SEC31B: variants seen among roughly 807,000 people sequenced by gnomAD.
The protein encoded by SEC31B is SEC31 homolog B, COPII component.
Under a neutral mutation model 135.0 loss-of-function variants are expected in SEC31B, and 113 were observed. The ratio of observed to expected loss-of-function variants is 0.84; its 90% confidence interval spans 0.72 to 0.98. SEC31B has a LOEUF of 0.98. SEC31B is among the 50% of genes least tolerant of loss of function. SEC31B has a pLI of 0.00. For synonymous variants in SEC31B, 508 were observed against 549.4 expected (o/e 0.92, Z 1.05); for missense variants, 1,296 against 1,421.1 (o/e 0.91, Z 1.42).
chr10:100,489,776 G>T lies in SEC31B; in HGVS notation c.2966-15C>A. The T allele has an allele frequency of 6.2e-7, 1 of 1,613,796 alleles. No individual in the cohort carries two copies. Among genetic ancestry groups the T allele is most frequent in the Non-Finnish European group, 8.5e-7 (1 of 1,179,898 alleles). On this transcript the variant is annotated splice_polypyrimidine_tract_variant and intron_variant, in intron 21 of 25. Transcript: ENST00000370345. Reference sequence around the variant, plus strand: ...ATCTTGAGGTCCTATAGAATAAAAAGATAGAGGTTTTTCGGCGCATAGTGA... The same window carrying T: ...ATCTTGAGGTCCTATAGAATAAAAATATAGAGGTTTTTCGGCGCATAGTGA...
chr10:100,488,430 G>T (rs1307982502), intron 24 of SEC31B, among the ~76,000 whole-genome samples: 2 of 139,206 alleles, frequency 1.4e-5, no homozygotes, highest in African/African-American at 5.6e-5. Flanking sequence ...CTGCACTCCA[G>T]CCTGGGCGAC....
rs1335569147 is a variant in SEC31B, at chr10:100,509,562, A to G, written c.204-51T>C. 4 of 1,439,502 alleles carry G rather than the reference A, an allele frequency of 2.8e-6. No individual in the cohort carries two copies. The Admixed American group carries it at 6.7e-5, about 24-fold the overall frequency. The allele number at this position is 1,439,502 out of a possible 1,614,324, so 89.2% of individuals were successfully genotyped here. A position where few individuals can be genotyped will look rare whatever the true frequency, so the allele number is the denominator to read the frequency against. Reference sequence around the variant, plus strand: ...GTACAAACTTAGGTTCATGTCAGTAAGCACAGGATGGGCATCTCTGTCAGC... The same window carrying G: ...GTACAAACTTAGGTTCATGTCAGTAGGCACAGGATGGGCATCTCTGTCAGC... On this transcript the variant is annotated intron_variant, in intron 3 of 25. Coordinates refer to ENST00000370345, the MANE Select transcript of SEC31B (RefSeq NM_015490.4).
At position 100,502,501 on chromosome 10, in the gene SEC31B, AGAAGGGT is replaced by A. The variant is rs753867737; in HGVS notation, c.1180-24_1180-18del. ...CCCTCCAAACTGGTGAGGAAAAGCA[AGAAGGGT>A]AAAGGTTATACCTTCAAGTCAAAAA... On this transcript the variant is annotated intron_variant, in intron 10 of 25. Transcript: ENST00000370345. 1.3e-6 allele frequency: 2 copies of A among 1,574,284 alleles called. No homozygotes were observed. The highest frequency in any genetic ancestry group is 1.7e-6 in the Non-Finnish European group (2 of 1,147,746).
At chr10:100,497,340 T>C (rs1851431159) in intron 16 of SEC31B, 60 bp from the exon 17 acceptor site, 2 of 1,595,152 alleles carry the variant, frequency 1.3e-6, no homozygotes, top group Non-Finnish European at 1.7e-6. Flanking sequence ...CTCCTTCTCC[T>C]GTTTGGAAAC....
rs763492551 is a variant in SEC31B, at chr10:100,495,473, G to T, written c.2384C>A (p.Pro795His). The change falls in exon 19 of 26, where the codon CCT (proline) becomes CAT (histidine). Residue 795 changes from proline to histidine, a missense_variant. Physicochemically the swap from Pro to His is moderately conservative, Grantham distance 77 (BLOSUM62 -2). Coordinates refer to ENST00000370345, the MANE Select transcript of SEC31B (RefSeq NM_015490.4). ...CACAACAATCCGGGGGAAGGGGAAA[G>T]GGGGAGACTGTTGGCCCAAGACAGC... Reference protein sequence around the residue: ...GSAVLGQQSPPFPFPRIVVGA... With the variant: ...GSAVLGQQSPHFPFPRIVVGA... 6 of 1,613,822 alleles carry T rather than the reference G, an allele frequency of 3.7e-6. No homozygotes were observed. The highest frequency in any genetic ancestry group is 1.6e-4 in the Middle Eastern group (1 of 6,082).
intron 6 of SEC31B, 94 bp downstream of exon 6, chr10:100,507,814 A>C (rs925457454): frequency 6.5e-7 from 1 of 1,549,756 alleles, no homozygotes; most frequent in African/African-American, 1.4e-5. Context: ...CGACAGCTGA[A>C]AGCAGGACTC....
Position 100,490,900 on chromosome 10 carries a change from A to G in SEC31B, c.2473-17T>C. 2 of 1,403,214 alleles carry G rather than the reference A, an allele frequency of 1.4e-6. No homozygotes were observed. The highest frequency in any genetic ancestry group is 1.9e-6 in the Non-Finnish European group (2 of 1,063,934). 86.9% of individuals were successfully genotyped at this position (1,403,214 alleles called of 1,614,324 possible). Reference sequence around the variant, plus strand: ...AGTTGGGACCTATGAAGAGAAAAAAACATCAGCTCTTGGAAAGGAAAGAGA... The same window carrying G: ...AGTTGGGACCTATGAAGAGAAAAAAGCATCAGCTCTTGGAAAGGAAAGAGA... On this transcript the variant is annotated splice_polypyrimidine_tract_variant and intron_variant, in intron 19 of 25. Coordinates refer to ENST00000370345, the MANE Select transcript of SEC31B (RefSeq NM_015490.4).
At position 100,498,917 on chromosome 10, in the gene SEC31B, A is replaced by G. The variant is rs541684362; in HGVS notation, c.1585-113T>C. On this transcript the variant is annotated intron_variant, in intron 13 of 25. Transcript: ENST00000370345. Reference sequence around the variant, plus strand: ...TTGGCCGTTAATGGGTAAAACTAAAAAAATAGCCAGGTAAGGTTTGGGGAG... The same window carrying G: ...TTGGCCGTTAATGGGTAAAACTAAAGAAATAGCCAGGTAAGGTTTGGGGAG... 1.6e-5 allele frequency: 13 copies of G among 826,236 alleles called. No homozygotes were observed. The East Asian group carries it at 3.2e-4, about 20-fold the overall frequency. The allele number at this position is 826,236 out of a possible 1,614,324, so 51.2% of individuals were successfully genotyped here.
At chr10:100,510,992 G>A (rs1851726347) in intron 3 of SEC31B, among the ~76,000 whole-genome samples, 1 of 152,128 alleles carries the variant, frequency 6.6e-6, no homozygotes, top group African/African-American at 2.4e-5. Flanking sequence ...ACCAGCGGAG[G>A]GTATGTGCAG....
chr10:100,502,130 A>T, intron 11 of SEC31B, 124 bp downstream of exon 11: 1 of 731,420 alleles, frequency 1.4e-6, no homozygotes, highest in Non-Finnish European at 2.3e-6. Flanking sequence ...GGGAAAAACT[A>T]ATGGGAGTTA....
Position 100,490,287 on chromosome 10 carries a change from C to A in SEC31B, c.2686G>T (p.Val896Leu), listed in dbSNP as rs750209056. 4 of 1,613,794 alleles carry A rather than the reference C, an allele frequency of 2.5e-6. No homozygotes were observed. The highest frequency in any genetic ancestry group is 1.7e-6 in the Non-Finnish European group (2 of 1,179,856). The change falls in exon 21 of 26, where the codon GTG becomes TTG. Residue 896 changes from valine to leucine, a missense_variant. Transcript: ENST00000370345. ...SQPQLLGGQR[V>L]QVPNPVGFPG... is the part of the protein sequence containing the mutation. The stretch of plus-strand genomic sequence containing the variant: ...AATCCCACCGGGTTAGGAACTTGCA[C>A]CCTTTGCCCTCCTAATAGCTGTGGC...
intron 19 of SEC31B, among the ~76,000 whole-genome samples, chr10:100,492,469 AC>A (rs1431172644): frequency 1.3e-5 from 2 of 152,112 alleles, no homozygotes; most frequent in Non-Finnish European, 2.9e-5. Flanking sequence ...TGATCCACCC[AC>A]CTCAGTTTCC....
chr10:100,499,146 G>A lies in SEC31B; in HGVS notation c.1584+14C>T. ...GTGTTACCATAGGTCAGGCTGACTG[G>A]ACTCCTACCACACCTGGCTGCAGAA... On this transcript the variant is annotated intron_variant, in intron 13 of 25. Transcript: ENST00000370345. The A allele has an allele frequency of 1.2e-6, 2 of 1,609,470 alleles. No homozygotes were observed. Among genetic ancestry groups the A allele is most frequent in the Non-Finnish European group, 1.7e-6 (2 of 1,175,948 alleles).
At chr10:100,516,436 A>T (rs7098779) in intron 2 of SEC31B, among the ~76,000 whole-genome samples, 31,879 of 151,846 alleles carry the variant, frequency 0.21, 3,471 homozygotes, top group South Asian at 0.23. Flanking sequence ...TCACAAGGTC[A>T]GGAGATCGAG....
chr10:100,491,437 T>C (rs935486541), intron 19 of SEC31B, among the ~76,000 whole-genome samples: 27 of 152,172 alleles, frequency 1.8e-4, no homozygotes, highest in Non-Finnish European at 7.4e-5. Context: ...CAGAAAAAGA[T>C]AGCAGAAAAT....
chr10:100,487,195 G>T lies in SEC31B; in HGVS notation c.*421C>A. ...AGTCAGAGGCAGGGAAAAGGTAAGG[G>T]CAGGCTCATAAACCACAGAAGGGAG... On this transcript the variant is annotated 3_prime_UTR_variant, in exon 26 of 26. Coordinates refer to ENST00000370345, the MANE Select transcript of SEC31B (RefSeq NM_015490.4). The T allele has an allele frequency of 5.1e-6, 1 of 197,726 alleles. No homozygotes were observed. The highest frequency in any genetic ancestry group is 1.0e-5 in the Non-Finnish European group (1 of 96,846). 12.2% of individuals were successfully genotyped at this position (197,726 alleles called of 1,614,324 possible). A position where few individuals can be genotyped will look rare whatever the true frequency, so the allele number is the denominator to read the frequency against.
intron 7 of SEC31B, 40 bp from the exon 8 acceptor site, chr10:100,506,460 G>A (rs1458832158): frequency 6.3e-7 from 1 of 1,584,004 alleles, no homozygotes; most frequent in African/African-American, 1.3e-5. Context: ...TTTGTTGAAT[G>A]CCTACTATGA....
chr10:100,499,047 T>C, intron 13 of SEC31B, 113 bp downstream of exon 13: 1 of 861,136 alleles, frequency 1.2e-6, no homozygotes, highest in Non-Finnish European at 1.9e-6. Flanking sequence ...TGAAGACTTC[T>C]ACAGACGCTA....
chr10:100,505,294 TCACAAACACACACACACACACACACACA>T (rs930930086), intron 10 of SEC31B, 39 bp downstream of exon 10: 11 of 1,556,414 alleles, frequency 7.1e-6, no homozygotes, highest in Non-Finnish European at 9.5e-6. Flanking sequence ...ATGGTAGGCT[TCACAAACACACACACACACACACACACA>T]CACAAACACA....
Sources: allele counts gnomAD v4.1 joint callset (sites outside exome capture counted in the v4.1 genomes callset), GRCh38; gene constraint gnomAD v4.1.1; transcripts MANE v1.5; gene names NCBI Gene and HGNC (gene_info 2026-07-23, HGNC 2026-07-21).